The following ADAMTSL1 variants were observed in gnomAD, a reference collection of about 807,000 sequenced individuals.
ADAMTSL1 encodes the protein ADAMTS like 1, also known as ADAMTS-like protein 1.
ADAMTSL1 carries 126 observed loss-of-function variants against 201.8 expected under a neutral mutation model. That is an observed-to-expected ratio of 0.62 (90% confidence interval 0.54 to 0.72). The LOEUF is 0.72. Among genes scored for constraint, ADAMTSL1 ranks in the 30% least tolerant of loss-of-function variants. The pLI is 0.00. For synonymous variants in ADAMTSL1, 1,121 were observed against 903.4 expected, an observed-to-expected ratio of 1.24 and a Z score of -4.32; for missense variants, 2,679 against 2,277.8, an observed-to-expected ratio of 1.18 and a Z score of -3.59.
chr9:18,780,802 G>T (rs73419070), intron 19 of ADAMTSL1, among the ~76,000 whole-genome samples: 5,405 of 152,152 alleles, frequency 0.036, 265 homozygotes, highest in African/African-American at 0.11. Flanking sequence ...CATAATAGTA[G>T]GTAGAGGTCT....
chr9:17,938,597 C>A (rs1827106788), intron 1 of ADAMTSL1, among the ~76,000 whole-genome samples: 1 of 152,134 alleles, frequency 6.6e-6, no homozygotes. Flanking sequence ...TTGGACTTCA[C>A]TGTAAAGTAG....
At chr9:18,802,252 C>G (rs1192388285) in intron 20 of ADAMTSL1, among the ~76,000 whole-genome samples, 1 of 152,062 alleles carries the variant, frequency 6.6e-6, no homozygotes, top group South Asian at 2.1e-4. Flanking sequence ...GCCTGAGTGC[C>G]AGAGTAAGAC....
chr9:18,507,403 A>C (rs1179933336), intron 2 of ADAMTSL1, among the ~76,000 whole-genome samples: 2 of 152,230 alleles, frequency 1.3e-5, no homozygotes, highest in African/African-American at 4.8e-5. Flanking sequence ...GACAATTTAA[A>C]GATCTACAGT....
rs116327502 is a variant in ADAMTSL1, at chr9:18,016,575, C to T, written c.87+109653C>T. ...TCTAATTTTTCCATCCCACTCCTGA[C>T]CCCCTTACCAACTCTGTGCACATAG... On this transcript the variant is annotated intron_variant, in intron 1 of 29. Coordinates refer to the ADAMTSL1 transcript ENST00000680146. Among the ~76,000 whole-genome samples, 1,006 of 152,040 alleles carry T rather than the reference C, an allele frequency of 6.6e-3. 16 individuals carry two copies. The highest frequency in any genetic ancestry group is 0.023 in the African/African-American group (956 of 41,506).
chr9:18,761,806 T>C (rs908640926), intron 16 of ADAMTSL1, among the ~76,000 whole-genome samples: 1 of 152,172 alleles, frequency 6.6e-6, no homozygotes, highest in African/African-American at 2.4e-5. Context: ...GCAAACACAC[T>C]GAAGAAAATT....
At chr9:18,426,531 C>T (rs537382297) in intron 2 of ADAMTSL1, among the ~76,000 whole-genome samples, 19 of 152,274 alleles carry the variant, frequency 1.2e-4, no homozygotes, top group African/African-American at 4.6e-4. Context: ...ATAAGAGCTA[C>T]TATTGGTTGA....
intron 1 of ADAMTSL1, among the ~76,000 whole-genome samples, chr9:18,501,117 A>T (rs1445834487): frequency 6.6e-6 from 1 of 152,090 alleles, no homozygotes; most frequent in Non-Finnish European, 1.5e-5. Flanking sequence ...TCTACTCTTT[A>T]TTTTTCTTCT....
rs1018416675 is a variant in ADAMTSL1, at chr9:18,849,064, A to G, written c.4249+19087A>G. 2.6e-5 allele frequency among the ~76,000 whole-genome samples: 4 copies of G among 152,234 alleles called. No individual in the cohort carries two copies. In the South Asian group the frequency reaches 6.2e-4, roughly 24 times the overall value. ...TGCCTTTCTCATCAACCTCAGCTCT[A>G]TGTCACCAATGTGATACTTAGCCTA... On this transcript the variant is annotated intron_variant, in intron 23 of 28. Transcript: ENST00000380548.
intron 1 of ADAMTSL1, among the ~76,000 whole-genome samples, chr9:18,012,537 G>T (rs759845623): frequency 1.3e-5 from 2 of 152,034 alleles, no homozygotes; most frequent in African/African-American, 4.8e-5. Context: ...CCCAAGACTC[G>T]TACGTGAACA....
intron 1 of ADAMTSL1, among the ~76,000 whole-genome samples, chr9:18,058,641 A>G (rs1261583235): frequency 1.3e-5 from 2 of 152,126 alleles, no homozygotes; most frequent in African/African-American, 4.8e-5. Flanking sequence ...AAAATCCCAT[A>G]CTTTTGACCC....
intron 2 of ADAMTSL1, among the ~76,000 whole-genome samples, chr9:18,173,074 A>G (rs57539573): frequency 0.02 from 2,983 of 152,242 alleles, 104 homozygotes; most frequent in African/African-American, 0.066. Flanking sequence ...AAATGATAAT[A>G]TAAAATGTTT....
At chr9:18,007,087 G>A (rs569746241) in intron 1 of ADAMTSL1, among the ~76,000 whole-genome samples, 2 of 152,120 alleles carry the variant, frequency 1.3e-5, no homozygotes, top group East Asian at 3.9e-4. Context: ...GGAGCTGTGA[G>A]CCTAGGATTA....
At chr9:18,895,556 A>G (rs919266101) in intron 26 of ADAMTSL1, among the ~76,000 whole-genome samples, 2 of 151,964 alleles carry the variant, frequency 1.3e-5, no homozygotes, top group South Asian at 4.2e-4. Context: ...CTGACCCTCT[A>G]TGCAACTGAC....
chr9:18,582,823 T>G (rs1443860517), intron 4 of ADAMTSL1, among the ~76,000 whole-genome samples: 2 of 151,188 alleles, frequency 1.3e-5, no homozygotes, highest in Non-Finnish European at 2.9e-5. Flanking sequence ...CACTCCAGCC[T>G]GGGCGACACA....
At chr9:18,170,173 TA>T (rs1376305623) in intron 2 of ADAMTSL1, among the ~76,000 whole-genome samples, 4 of 152,044 alleles carry the variant, frequency 2.6e-5, no homozygotes, top group Admixed American at 2.0e-4. Context: ...ACTATATACA[TA>T]AAAAACCCTT....
In ADAMTSL1 at chr9:18,492,125, C is replaced by A. The variant is rs188566159; in HGVS notation, c.64-12704C>A. ...GAAAGCATTTTAAAAAACTAAGTTA[C>A]ACAGTAGGGAAGCACAATAACAGAG... is the stretch of plus-strand genomic sequence containing the variant. On this transcript the variant is annotated intron_variant, in intron 1 of 28. Transcript: ENST00000380548. Among the ~76,000 whole-genome samples the A allele has an allele frequency of 2.2e-3, 329 of 152,146 alleles. 2 individuals are homozygous for A. The Middle Eastern group carries it at 0.024, about 11-fold the overall frequency.
intron 2 of ADAMTSL1, among the ~76,000 whole-genome samples, chr9:18,509,012 G>A (rs1041916047): frequency 1.5e-4 from 16 of 107,094 alleles, no homozygotes; most frequent in African/African-American, 6.3e-4. Context: ...GTGAAACCCC[G>A]TCTCTACTAA....
chr9:18,821,791 G>C (rs1007320444), intron 21 of ADAMTSL1, among the ~76,000 whole-genome samples: 2 of 152,138 alleles, frequency 1.3e-5, no homozygotes, highest in Admixed American at 6.5e-5. Flanking sequence ...GTGCACCTTT[G>C]AGTGGAAACC....
At chr9:18,352,164 T>A (rs1343441743) in intron 2 of ADAMTSL1, among the ~76,000 whole-genome samples, 2 of 152,216 alleles carry the variant, frequency 1.3e-5, no homozygotes, top group African/African-American at 4.8e-5. Flanking sequence ...TTATCCTTAG[T>A]GCATCTTCAA....
Sources: gnomAD v4.1 joint callset for allele counts (sites outside exome capture counted in the v4.1 genomes callset) on GRCh38, gnomAD v4.1.1 for gene constraint, MANE v1.5 for transcripts, NCBI Gene and HGNC (gene_info 2026-07-23, HGNC 2026-07-21) for gene names.